Variants in ABCA12 observed in about 807,000 individuals in gnomAD.
The protein encoded by ABCA12 is ATP binding cassette subfamily A member 12.
Under a neutral mutation model 293.5 loss-of-function variants are expected in ABCA12, and 156 were observed. The observed-to-expected ratio is 0.53, with a 90% CI of 0.47 to 0.61. ABCA12 has a LOEUF of 0.61. Among genes scored for constraint, ABCA12 ranks in the 20% least tolerant of loss-of-function variants. The pLI, the probability that ABCA12 is intolerant of heterozygous loss-of-function variation, is 0.00. For missense variants in ABCA12, 2,797 were observed against 3,090.2 expected (o/e 0.91, Z 2.25); for synonymous variants, 1,063 against 1,108.0 (o/e 0.96, Z 0.81).
chr2:215,030,223 T>C (rs1700842116), intron 9 of ABCA12: 1 of 152,176 alleles, frequency 6.6e-6, no homozygotes, highest in Non-Finnish European at 1.5e-5. Flanking sequence ...GCTTCAGCAA[T>C]ACGCATGCAG....
rs3050135 is a variant in ABCA12 at position 215,087,487 on chromosome 2, C to CGTGTGTGTGTGTGTGT, written c.164-23284_164-23269dup. Among the ~76,000 whole-genome samples, 445 of 149,624 alleles carry CGTGTGTGTGTGTGTGT rather than the reference C, an allele frequency of 3.0e-3. 2 individuals carry two copies. Among genetic ancestry groups the CGTGTGTGTGTGTGTGT allele is most frequent in the African/African-American group, 0.01 (417 of 40,802 alleles). ...CTTACCTAAATGTGCATACAGGCTT[C>CGTGTGTGTGTGTGTGT]GTGTGTGTGTGTGTGTGTGTGCATG... On this transcript the variant is annotated intron_variant, in intron 2 of 52. Coordinates refer to ENST00000272895, the MANE Select transcript of ABCA12 (RefSeq NM_173076.3).
At chr2:215,105,696 C>A (rs529873875) in intron 2 of ABCA12, among the ~76,000 whole-genome samples, 3 of 151,802 alleles carry the variant, frequency 2.0e-5, no homozygotes, top group Non-Finnish European at 2.9e-5. Flanking sequence ...CAAGGGGTGA[C>A]AGGAAGGATG....
At chr2:215,099,678 C>G (rs377410689) in intron 2 of ABCA12, among the ~76,000 whole-genome samples, 2 of 130,096 alleles carry the variant, frequency 1.5e-5, no homozygotes, top group Non-Finnish European at 3.2e-5. Flanking sequence ...GGTGACAGAG[C>G]GAGACTTCAT....
chr2:215,036,868 A>G lies in ABCA12; in HGVS notation c.985+85T>C, dbSNP rs1474331. The G allele has an allele frequency of 0.2, 238,042 of 1,164,198 alleles. 26,684 individuals carry two copies. The highest frequency in any genetic ancestry group is 0.44 in the East Asian group (18,366 of 41,940). The allele number at this position is 1,164,198 out of a possible 1,614,324, so 72.1% of individuals were successfully genotyped here. A position where few individuals can be genotyped will look rare whatever the true frequency, so the allele number is the denominator to read the frequency against. ...CACCTAAGAATAATATCATCTCTAC[A>G]TGATTACTTTCATTGCACTCTGCTT... On this transcript the variant is annotated intron_variant, in intron 8 of 52. Coordinates refer to ENST00000272895, the MANE Select transcript of ABCA12 (RefSeq NM_173076.3).
chr2:215,075,333 T>C (rs2033801711), intron 2 of ABCA12, among the ~76,000 whole-genome samples: 2 of 150,462 alleles, frequency 1.3e-5, no homozygotes. Flanking sequence ...TCAGAGAAAA[T>C]GCCCTTTTCA....
At position 215,019,684 on chromosome 2, in the gene ABCA12, CT is replaced by C; in HGVS notation, c.1399del (p.Ser467ValfsTer17). ...TTCGAGGAGTTGCAGATCAAACTCACTTTCTTCACACAGGCTCCCAAAGCTC... is the reference window on the plus strand; with the variant it reads ...TTCGAGGAGTTGCAGATCAAACTCACTTCTTCACACAGGCTCCCAAAGCTC... Reference protein sequence around the residue: ...DMSFGSLCEESEFDLQLLEAA... With the variant: ...DMSFGSLCEEXEFDLQLLEAA... On this transcript the variant is annotated frameshift_variant, in exon 12 of 53. Coordinates refer to ENST00000272895, the MANE Select transcript of ABCA12 (RefSeq NM_173076.3). LOFTEE classifies it high-confidence loss of function. 6.2e-7 allele frequency: 1 copy of C among 1,614,180 alleles called. No homozygotes were observed. The highest frequency in any genetic ancestry group is 8.5e-7 in the Non-Finnish European group (1 of 1,180,024).
At chr2:214,940,543 C>A (rs1200759521) in intron 50 of ABCA12, among the ~76,000 whole-genome samples, 1 of 152,098 alleles carries the variant, frequency 6.6e-6, no homozygotes, top group Non-Finnish European at 1.5e-5. Context: ...GGAATGGTAC[C>A]AGCTCCTCTT....
chr2:214,979,756 G>A (rs964306006), intron 31 of ABCA12, among the ~76,000 whole-genome samples: 3 of 152,014 alleles, frequency 2.0e-5, no homozygotes, highest in Non-Finnish European at 2.9e-5. Flanking sequence ...ATACATAAAT[G>A]TCTGAATGAG....
chr2:215,017,723 C>G, intron 14 of ABCA12: 1 of 370,532 alleles, frequency 2.7e-6, no homozygotes, highest in Non-Finnish European at 5.1e-6. Context: ...TCACTGCAAG[C>G]TCATTGATTG....
Position 214,989,557 on chromosome 2 carries a change from C to T in ABCA12, c.3689G>A (p.Gly1230Asp), listed in dbSNP as rs1450977434. Residue 1230 changes from glycine (G) to aspartate (D), a missense_variant, in exon 25 of 53, where the codon GGC (glycine) becomes GAC (aspartate). Gly to Asp is a moderately conservative substitution (Grantham distance 94, BLOSUM62 -1). Coordinates refer to ENST00000272895, the MANE Select transcript of ABCA12 (RefSeq NM_173076.3). ...TTTAAAGAAAGGGGACCTACCAATG[C>T]CCTGTTCTTCGTATCGTGCAATGTA... ...SQYIARYEEQ[G>D]IGLQWENMYT... The T allele has an allele frequency of 2.5e-5, 41 of 1,613,980 alleles. No individual in the cohort carries two copies. The highest frequency in any genetic ancestry group is 2.9e-5 in the Non-Finnish European group (34 of 1,180,006).
At chr2:214,955,846 A>G (rs1698931585) in intron 42 of ABCA12, among the ~76,000 whole-genome samples, 1 of 152,154 alleles carries the variant, frequency 6.6e-6, no homozygotes, top group Non-Finnish European at 1.5e-5. Flanking sequence ...TCTTTAAGAA[A>G]CCTTGAGTAG....
At chr2:215,099,411 C>G (rs1474955944) in intron 2 of ABCA12, among the ~76,000 whole-genome samples, 2 of 152,162 alleles carry the variant, frequency 1.3e-5, no homozygotes, top group African/African-American at 4.8e-5. Flanking sequence ...ATTTCCGACC[C>G]CAGCTGGGCG....
chr2:214,986,539 T>C lies in ABCA12; in HGVS notation c.4163+3A>G, dbSNP rs1319239110. On this transcript the variant is annotated splice_donor_region_variant and intron_variant, in intron 28 of 52. Transcript: ENST00000272895. ...GGCAATAAATGTCAAAAAGTTAACA[T>C]ACATGGTAGTAGTTTTCCCAGCTCC... is the stretch of plus-strand genomic sequence containing the variant. The C allele has an allele frequency of 6.2e-7, 1 of 1,613,956 alleles. No homozygotes were observed. The highest frequency in any genetic ancestry group is 1.7e-5 in the Admixed American group (1 of 60,024).
chr2:214,946,610 G>T (rs1015894649), intron 48 of ABCA12, among the ~76,000 whole-genome samples: 1 of 152,102 alleles, frequency 6.6e-6, no homozygotes, highest in African/African-American at 2.4e-5. Context: ...TTGATCCACT[G>T]TATGACTTAA....
At chr2:215,096,767 G>A (rs1404307000) in intron 2 of ABCA12, among the ~76,000 whole-genome samples, 1 of 151,888 alleles carries the variant, frequency 6.6e-6, no homozygotes, top group Non-Finnish European at 1.5e-5. Flanking sequence ...GACACTATCT[G>A]ATTAATATGC....
chr2:215,121,265 CT>C (rs1657556210), intron 1 of ABCA12, among the ~76,000 whole-genome samples: 1 of 152,174 alleles, frequency 6.6e-6, no homozygotes, highest in South Asian at 2.1e-4. Flanking sequence ...AAATGGATTA[CT>C]GGCTGTCTTT....
At chr2:215,010,618 G>A (rs752964649) in intron 17 of ABCA12, 148 bp from the exon 18 acceptor site, 7 of 928,512 alleles carry the variant, frequency 7.5e-6, no homozygotes, top group African/African-American at 1.7e-5. Context: ...GGCATCTGGT[G>A]TCAAAGTAAG....
At chr2:215,027,730 G>C (rs1395703155) in intron 9 of ABCA12, among the ~76,000 whole-genome samples, 3 of 152,116 alleles carry the variant, frequency 2.0e-5, no homozygotes, top group South Asian at 2.1e-4. Context: ...CTTGTCAATT[G>C]AAAGCTAGGG....
intron 45 of ABCA12, among the ~76,000 whole-genome samples, chr2:214,949,916 AAAT>A (rs1381944594): frequency 8.5e-5 from 13 of 152,196 alleles, no homozygotes; most frequent in Admixed American, 8.5e-4. Context: ...CTCATAGGGT[AAAT>A]AATAATAACT....
Sources: allele counts gnomAD v4.1 joint callset (sites outside exome capture counted in the v4.1 genomes callset), GRCh38; gene constraint gnomAD v4.1.1; transcripts MANE v1.5; gene names NCBI Gene and HGNC (gene_info 2026-07-23, HGNC 2026-07-21).